The following RALYL variants were observed in gnomAD, a reference collection of about 807,000 sequenced individuals.
RALYL encodes the protein RNA-binding Raly-like protein.
A neutral mutation model predicts 35.1 loss-of-function variants in RALYL; 29 were observed. The ratio of observed to expected loss-of-function variants is 0.83; its 90% CI spans 0.61 to 1.13. The LOEUF (loss-of-function observed/expected upper bound fraction) is 1.13, where lower values mean the gene tolerates loss of function less well. Ranked by LOEUF, RALYL falls within the 50% of genes most tolerant of loss-of-function variation. The pLI is 0.00. For missense variants in RALYL, 359 were observed against 360.4 expected (o/e 1.00, Z 0.03); for synonymous variants, 120 against 127.6 (o/e 0.94, Z 0.40).
chr8:84,729,003 T>G (rs1354885033), intron 2 of RALYL, among the ~76,000 whole-genome samples: 2 of 152,196 alleles, frequency 1.3e-5, no homozygotes, highest in Non-Finnish European at 2.9e-5. Context: ...TTTTTCCAAT[T>G]CTGTGAAGAA....
intron 1 of RALYL, among the ~76,000 whole-genome samples, chr8:84,292,294 G>T (rs550483538): frequency 2.2e-4 from 33 of 152,192 alleles, no homozygotes; most frequent in African/African-American, 7.9e-4. Flanking sequence ...GCAAATTCCA[G>T]TTACAAGTGC....
intron 2 of RALYL, among the ~76,000 whole-genome samples, chr8:84,542,014 T>G (rs1045528025): frequency 6.6e-6 from 1 of 152,112 alleles, no homozygotes; most frequent in African/African-American, 2.4e-5. Flanking sequence ...TTTTTTTAAT[T>G]CTAATAACCT....
At chr8:84,541,446 A>G (rs1241601786) in intron 2 of RALYL, among the ~76,000 whole-genome samples, 1 of 151,954 alleles carries the variant, frequency 6.6e-6, no homozygotes, top group African/African-American at 2.4e-5. Flanking sequence ...AATATATAAT[A>G]AAATTAATTA....
At chr8:84,470,825 G>A (rs563867304) in intron 1 of RALYL, among the ~76,000 whole-genome samples, 3 of 152,288 alleles carry the variant, frequency 2.0e-5, no homozygotes, top group African/African-American at 4.8e-5. Flanking sequence ...TTATATGTTA[G>A]AGGGATGATT....
chr8:84,274,458 A>C (rs1240513857), intron 1 of RALYL, among the ~76,000 whole-genome samples: 2 of 152,138 alleles, frequency 1.3e-5, no homozygotes, highest in Non-Finnish European at 2.9e-5. Flanking sequence ...CCTGAAACTA[A>C]GTTATTCATT....
intron 2 of RALYL, among the ~76,000 whole-genome samples, chr8:84,567,714 T>A (rs1392462797): frequency 6.6e-6 from 1 of 151,450 alleles, no homozygotes; most frequent in Non-Finnish European, 1.5e-5. Context: ...TTCCCTTAAG[T>A]AGGTACCAAG....
chr8:84,849,567 T>G lies in RALYL; in HGVS notation c.366-413T>G, dbSNP rs558082900. On this transcript the variant is annotated intron_variant, in intron 4 of 8. Transcript: ENST00000521268. ...TTAAAAGTTTTTTGTTTTTGTTTTT[T>G]TTTTTTTGAGACGGAGTCTCGCTCT... Among the ~76,000 whole-genome samples, 39 of 144,854 alleles carry G rather than the reference T, an allele frequency of 2.7e-4. No homozygotes were observed. The South Asian group carries it at 2.7e-3, about 10-fold the overall frequency.
chr8:84,423,411 C>T (rs2132460908), intron 1 of RALYL, among the ~76,000 whole-genome samples: 1 of 151,454 alleles, frequency 6.6e-6, no homozygotes, highest in African/African-American at 2.4e-5. Context: ...GGTAGATCTT[C>T]CTCCATCCTT....
chr8:84,500,092 G>A (rs1206204810), intron 1 of RALYL, among the ~76,000 whole-genome samples: 1 of 151,990 alleles, frequency 6.6e-6, no homozygotes, highest in East Asian at 1.9e-4. Flanking sequence ...CCACATTTAG[G>A]CCTATATGAC....
chr8:84,640,174 C>T (rs907763654), intron 2 of RALYL, among the ~76,000 whole-genome samples: 1 of 151,894 alleles, frequency 6.6e-6, no homozygotes, highest in Non-Finnish European at 1.5e-5. Context: ...ACAATAGTTA[C>T]TCATTTAACC....
intron 1 of RALYL, among the ~76,000 whole-genome samples, chr8:84,413,175 G>A (rs1322949133): frequency 6.7e-6 from 1 of 150,064 alleles, no homozygotes; most frequent in Non-Finnish European, 1.5e-5. Context: ...AAATAATTTA[G>A]AGGTCTCAAA....
chr8:84,450,435 C>T (rs913063300), intron 1 of RALYL, among the ~76,000 whole-genome samples: 4 of 151,740 alleles, frequency 2.6e-5, no homozygotes, highest in South Asian at 2.1e-4. Flanking sequence ...AAGCTAAATA[C>T]AGTATGACAA....
chr8:84,441,087 A>T (rs1319052407), intron 1 of RALYL, among the ~76,000 whole-genome samples: 1 of 152,022 alleles, frequency 6.6e-6, no homozygotes, highest in African/African-American at 2.4e-5. Flanking sequence ...GGTATGTAGT[A>T]GTGGTGTATT....
At chr8:84,525,464 G>A (rs711051) in intron 1 of RALYL, among the ~76,000 whole-genome samples, 64,758 of 151,660 alleles carry the variant, frequency 0.43, 13,882 homozygotes, top group East Asian at 0.52. Context: ...GTCTGGTGTG[G>A]TTATATACAT....
intron 2 of RALYL, among the ~76,000 whole-genome samples, chr8:84,767,824 T>C (rs1241954064): frequency 1.3e-5 from 2 of 152,188 alleles, no homozygotes; most frequent in Non-Finnish European, 1.5e-5. Context: ...ATAATTCTAA[T>C]AGCCAGATAA....
At chr8:84,585,529 A>C (rs537400077) in intron 2 of RALYL, among the ~76,000 whole-genome samples, 2 of 152,152 alleles carry the variant, frequency 1.3e-5, no homozygotes, top group Non-Finnish European at 2.9e-5. Flanking sequence ...TAACCATATA[A>C]TATGTATACA....
At chr8:84,247,539 A>T (rs1829351489) in intron 1 of RALYL, among the ~76,000 whole-genome samples, 1 of 152,030 alleles carries the variant, frequency 6.6e-6, no homozygotes, top group South Asian at 2.1e-4. Context: ...AATTTAAAAA[A>T]AAAAAAGAAA....
intron 6 of RALYL, among the ~76,000 whole-genome samples, chr8:84,863,465 G>A (rs1440090826): frequency 6.6e-6 from 1 of 152,170 alleles, no homozygotes; most frequent in Non-Finnish European, 1.5e-5. Context: ...ATGCAGCTTG[G>A]TAAGCCGCCG....
intron 4 of RALYL, among the ~76,000 whole-genome samples, chr8:84,841,116 A>G (rs1400289461): frequency 2.6e-5 from 4 of 152,318 alleles, no homozygotes; most frequent in East Asian, 1.9e-4. Flanking sequence ...CACACATAAC[A>G]ATACTAACCT....
Sources: allele counts gnomAD v4.1 joint callset (sites outside exome capture counted in the v4.1 genomes callset), GRCh38; gene constraint gnomAD v4.1.1; transcripts MANE v1.5; gene names NCBI Gene and HGNC (gene_info 2026-07-23, HGNC 2026-07-21).